The following NDUFAF5 variants were observed in gnomAD, a reference collection of about 807,000 sequenced individuals.
NDUFAF5 encodes arginine-hydroxylase NDUFAF5, mitochondrial.
NDUFAF5 carries 34 observed loss-of-function variants against 48.9 expected under a neutral mutation model. That is an observed-to-expected ratio of 0.70 (90% CI 0.53 to 0.93). NDUFAF5 has a LOEUF of 0.93. Among genes scored for constraint, NDUFAF5 ranks in the 40% least tolerant of loss-of-function variants. The pLI is 0.00. For missense variants in NDUFAF5, 428 were observed against 427.5 expected (o/e 1.00, Z -0.01); for synonymous variants, 153 against 150.6 (o/e 1.02, Z -0.12).
chr20:13,795,319 T>C (rs368923236), intron 5 of NDUFAF5, among the ~76,000 whole-genome samples: 7 of 152,224 alleles, frequency 4.6e-5, no homozygotes, highest in South Asian at 2.1e-4. Context: ...ATAAGTTACA[T>C]TGGGGAGAAA....
chr20:13,800,548 A>C (rs1983964429), intron 6 of NDUFAF5, among the ~76,000 whole-genome samples: 1 of 152,188 alleles, frequency 6.6e-6, no homozygotes, highest in South Asian at 2.1e-4. Context: ...TCTGGCCATT[A>C]TTTTCCTTAA....
chr20:13,787,427 G>A, intron 2 of NDUFAF5, 75 bp downstream of exon 2: 1 of 1,389,258 alleles, frequency 7.2e-7, no homozygotes, highest in Non-Finnish European at 1.0e-6. Flanking sequence ...CTGAGAACTT[G>A]CTATCTGAAA....
Position 13,803,343 on chromosome 20 carries a change from GGCTAGAAA to G in NDUFAF5, c.717+1663_717+1670del, listed in dbSNP as rs533398199. 6 of 152,308 alleles carry G rather than the reference GGCTAGAAA, an allele frequency of 3.9e-5. No individual in the cohort carries two copies. The South Asian group carries it at 1.0e-3, about 26-fold the overall frequency. 9.4% of individuals were successfully genotyped at this position (152,308 alleles called of 1,614,324 possible). On this transcript the variant is annotated intron_variant, in intron 7 of 10. Transcript: ENST00000378106. ...GAAACTGCATCCTGAGAGGTTGCTC[GGCTAGAAA>G]GCGGAAAACCGCTTCACATGAGTGC...
intron 5 of NDUFAF5, among the ~76,000 whole-genome samples, chr20:13,795,210 C>G (rs991378906): frequency 6.6e-6 from 1 of 152,104 alleles, no homozygotes; most frequent in Non-Finnish European, 1.5e-5. Context: ...GTTTTTCTCC[C>G]CAGTGCATCT....
In NDUFAF5 at chr20:13,820,739, A is replaced by C. The variant is rs1017130681; in HGVS notation, c.*3529A>C. ...TTTTTGTATTGATTATGTATTCCTTAAGTAGGAGTGGAATAAAAGTATTTT... is the reference window on the plus strand; with the variant it reads ...TTTTTGTATTGATTATGTATTCCTTCAGTAGGAGTGGAATAAAAGTATTTT... On this transcript the variant is annotated 3_prime_UTR_variant, in exon 11 of 11. Coordinates refer to ENST00000378106, the MANE Select transcript of NDUFAF5 (RefSeq NM_024120.5). The C allele has an allele frequency of 2.6e-5, 4 of 152,138 alleles. No individual in the cohort carries two copies. The highest frequency in any genetic ancestry group is 5.9e-5 in the Non-Finnish European group (4 of 68,030). 9.4% of individuals were successfully genotyped at this position (152,138 alleles called of 1,614,324 possible). A position where few individuals can be genotyped will look rare whatever the true frequency, so the allele number is the denominator to read the frequency against.
chr20:13,817,849 TAA>T lies in NDUFAF5; in HGVS notation c.*640_*641del. ...AGCTTTCCTTTGTAATTTCAGGGCTTAAGCACTATTATCCTAATCCAAGTTCA... is the reference window on the plus strand; with the variant it reads ...AGCTTTCCTTTGTAATTTCAGGGCTTGCACTATTATCCTAATCCAAGTTCA... On this transcript the variant is annotated 3_prime_UTR_variant, in exon 11 of 11. Transcript: ENST00000378106. The T allele has an allele frequency of 2.2e-6, 1 of 454,108 alleles. No individual in the cohort carries two copies. Among genetic ancestry groups the T allele is most frequent in the Non-Finnish European group, 4.4e-6 (1 of 226,794 alleles). The allele number at this position is 454,108 out of a possible 1,614,324, so 28.1% of individuals were successfully genotyped here.
At position 13,817,339 on chromosome 20, in the gene NDUFAF5, GAAAA is replaced by G; in HGVS notation, c.*130_*133del. 1.3e-6 allele frequency: 1 copy of G among 794,814 alleles called. No homozygotes were observed. Among genetic ancestry groups the G allele is most frequent in the Non-Finnish European group, 2.2e-6 (1 of 448,882 alleles). 49.2% of individuals were successfully genotyped at this position (794,814 alleles called of 1,614,324 possible). ...ACTAATAGGCTTTTCATATAATTAGGAAAACCTAATATCACATCTATAGTAACCA... is the reference window on the plus strand; with the variant it reads ...ACTAATAGGCTTTTCATATAATTAGGCCTAATATCACATCTATAGTAACCA... On this transcript the variant is annotated 3_prime_UTR_variant, in exon 11 of 11. Transcript: ENST00000378106.
chr20:13,810,084 C>T (rs1162923245), intron 8 of NDUFAF5, among the ~76,000 whole-genome samples: 1 of 152,120 alleles, frequency 6.6e-6, no homozygotes, highest in Non-Finnish European at 1.5e-5. Context: ...GTAGGTAGCT[C>T]AGAGGAAGCT....
chr20:13,805,118 G>A (rs1441549866), intron 7 of NDUFAF5, among the ~76,000 whole-genome samples: 1 of 152,072 alleles, frequency 6.6e-6, no homozygotes, highest in East Asian at 1.9e-4. Context: ...AGAATCTCCG[G>A]GAATGTAAAG....
At chr20:13,790,440 T>C (rs1201847824) in intron 3 of NDUFAF5, among the ~76,000 whole-genome samples, 2 of 152,252 alleles carry the variant, frequency 1.3e-5, no homozygotes, top group African/African-American at 4.8e-5. Context: ...CAAACTCTTA[T>C]GTCTTCTTGC....
intron 7 of NDUFAF5, chr20:13,803,515 T>G (rs551713054): frequency 6.6e-6 from 1 of 152,360 alleles, no homozygotes; most frequent in Middle Eastern, 3.4e-3. Context: ...AAAGCGAAAG[T>G]CTGTCATTCC....
At chr20:13,803,284 T>A (rs1984494620) in intron 7 of NDUFAF5, 1 of 152,172 alleles carries the variant, frequency 6.6e-6, no homozygotes. Context: ...CTAGTGTTGA[T>A]CTTTTGTTAA....
intron 8 of NDUFAF5, chr20:13,816,146 A>C (rs1986428267): frequency 2.4e-6 from 1 of 410,664 alleles, no homozygotes; most frequent in Admixed American, 3.6e-5. Flanking sequence ...AATTGCTGAC[A>C]ACTCACCTGG....
intron 7 of NDUFAF5, among the ~76,000 whole-genome samples, chr20:13,802,785 C>T (rs189030202): frequency 6.6e-6 from 1 of 152,068 alleles, no homozygotes; most frequent in African/African-American, 2.4e-5. Context: ...CTGCCTTCCT[C>T]TTTCCCCATC....
chr20:13,801,220 A>G (rs2147550532), intron 6 of NDUFAF5, among the ~76,000 whole-genome samples: 1 of 152,278 alleles, frequency 6.6e-6, no homozygotes, highest in Non-Finnish European at 1.5e-5. Flanking sequence ...ACTAAGTTGT[A>G]TACCTATTAG....
At chr20:13,786,689 C>G (rs1981203614) in intron 1 of NDUFAF5, among the ~76,000 whole-genome samples, 1 of 152,122 alleles carries the variant, frequency 6.6e-6, no homozygotes, top group Non-Finnish European at 1.5e-5. Context: ...GTGGGGAATA[C>G]TAGACTCCCA....
At chr20:13,807,390 G>T (rs1030094614) in intron 7 of NDUFAF5, among the ~76,000 whole-genome samples, 1 of 151,892 alleles carries the variant, frequency 6.6e-6, no homozygotes, top group Non-Finnish European at 1.5e-5. Flanking sequence ...CCAAAGATTT[G>T]TTAGCTGTGT....
At chr20:13,811,285 G>T (rs1401028649) in intron 8 of NDUFAF5, among the ~76,000 whole-genome samples, 1 of 152,050 alleles carries the variant, frequency 6.6e-6, no homozygotes, top group Admixed American at 6.6e-5. Context: ...GGGACAGGAG[G>T]GTATGGTCAG....
At position 13,792,520 on chromosome 20, in the gene NDUFAF5, G is replaced by C. The variant is rs116667315; in HGVS notation, c.328-660G>C. Among the ~76,000 whole-genome samples the C allele has an allele frequency of 1.3e-3, 195 of 152,316 alleles. 1 individual carries two copies. Among genetic ancestry groups the C allele is most frequent in the African/African-American group, 4.4e-3 (181 of 41,582 alleles). ...GAGAAAGAATCTAGGAAGAAGTAGA[G>C]TTGTGGATTATAAACCAAACAACCA... On this transcript the variant is annotated intron_variant, in intron 3 of 10. Transcript: ENST00000378106.
Sources: gnomAD v4.1 joint callset for allele counts (sites outside exome capture counted in the v4.1 genomes callset) on GRCh38, gnomAD v4.1.1 for gene constraint, MANE v1.5 for transcripts, NCBI Gene and HGNC (gene_info 2026-07-23, HGNC 2026-07-21) for gene names.